The following IGSF22 variants were observed in gnomAD, a reference collection of about 807,000 sequenced individuals.
The protein encoded by IGSF22 is immunoglobulin superfamily, member 22.
IGSF22 carries 119 observed loss-of-function variants against 127.0 expected under a neutral mutation model. That is an observed-to-expected ratio of 0.94 (90% CI 0.81 to 1.09). The LOEUF is 1.09. Among genes scored for constraint, IGSF22 ranks in the 50% least tolerant of loss-of-function variants. The pLI is 0.00. For synonymous variants in IGSF22, 568 were observed against 664.7 expected, an observed-to-expected ratio of 0.85 and a Z score of 2.24; for missense variants, 1,518 against 1,716.6, an observed-to-expected ratio of 0.88 and a Z score of 2.04.
In IGSF22 at chr11:18,716,580, A is replaced by T; in HGVS notation, c.1246+148T>A. 1.3e-6 allele frequency: 1 copy of T among 746,130 alleles called. No homozygotes were observed. The highest frequency in any genetic ancestry group is 2.2e-6 in the Non-Finnish European group (1 of 454,622). The allele number at this position is 746,130 out of a possible 1,614,324, so 46.2% of individuals were successfully genotyped here. A position where few individuals can be genotyped will look rare whatever the true frequency, so the allele number is the denominator to read the frequency against. On this transcript the variant is annotated intron_variant, in intron 10 of 22. Transcript: ENST00000513874. The surrounding 1 kb of genome is among the most constrained non-coding windows in gnomAD (Gnocchi z 4.5). Reference sequence around the variant, plus strand: ...CCCCTACTAGACTAGGGGTTAACAGAGAGGAGATCCCCCTGTCTTTCCAGT... The same window carrying T: ...CCCCTACTAGACTAGGGGTTAACAGTGAGGAGATCCCCCTGTCTTTCCAGT...
rs562339587 is a variant in IGSF22 at position 18,705,834 on chromosome 11, C to G, written c.3893G>C (p.Cys1298Ser). 6.5e-6 allele frequency: 10 copies of G among 1,547,420 alleles called. No homozygotes were observed. Among genetic ancestry groups the G allele is most frequent in the African/African-American group, 1.4e-5 (1 of 73,022 alleles). ...ENELGKDRSS[C>S]TLTVYDKDDK... ...GCCCTCACCATAGACGGTGAGCGTGCAGCTGCTGCGGTCCTTGCCCAGCTC... is the reference window on the plus strand; with the variant it reads ...GCCCTCACCATAGACGGTGAGCGTGGAGCTGCTGCGGTCCTTGCCCAGCTC... Residue 1298 changes from cysteine to serine, a missense_variant, in exon 22 of 23, where the codon TGC (cysteine) becomes TCC (serine). Cys to Ser is a moderately radical substitution (Grantham distance 112). Transcript: ENST00000513874.
Position 18,707,872 on chromosome 11 carries a change from C to T in IGSF22, c.3212G>A (p.Gly1071Glu), listed in dbSNP as rs1590435774. The change falls in exon 20 of 23, where the codon GGG becomes GAG. Residue 1071 changes from glycine to glutamate, a missense_variant. By Grantham distance (98) the Gly-to-Glu change is moderately conservative. Transcript: ENST00000513874. ...LINSTKRSDS[G>E]VYRILLQNEF... ...ATTCTGAAGCAAGATTCGGTACACCCCTGAGTCAGAGCGCTTGGTGCTATT... is the reference window on the plus strand; with the variant it reads ...ATTCTGAAGCAAGATTCGGTACACCTCTGAGTCAGAGCGCTTGGTGCTATT... The T allele has an allele frequency of 4.3e-6, 7 of 1,614,106 alleles. No individual in the cohort carries two copies. The highest frequency in any genetic ancestry group is 1.3e-5 in the African/African-American group (1 of 75,028).
At chr11:18,717,546 C>A (rs923781936) in intron 9 of IGSF22, among the ~76,000 whole-genome samples, 2 of 152,052 alleles carry the variant, frequency 1.3e-5, no homozygotes, top group Non-Finnish European at 1.5e-5. Flanking sequence ...CAGGTGTGTG[C>A]CACCATACCT....
At chr11:18,719,976 G>C in intron 6 of IGSF22, 83 bp from the exon 7 acceptor site, 1 of 1,610,188 alleles carries the variant, frequency 6.2e-7, no homozygotes, top group Non-Finnish European at 8.5e-7. Context: ...TGGATTCTTG[G>C]AACTCAGGGC....
Position 18,716,715 on chromosome 11 carries a change from C to T in IGSF22, c.1246+13G>A. On this transcript the variant is annotated intron_variant, in intron 10 of 22. Transcript: ENST00000513874. This position sits in a 1 kb window ranked among gnomAD's most constrained non-coding sequence, Gnocchi z 4.5. ...ATAAAGCCCACCCCTTAGGCTCTTG[C>T]CCAACCACTCACGGTCAACAGTGAG... is the stretch of plus-strand genomic sequence containing the variant. 6 of 1,611,186 alleles carry T rather than the reference C, an allele frequency of 3.7e-6. No individual in the cohort carries two copies. The highest frequency in any genetic ancestry group is 4.2e-6 in the Non-Finnish European group (5 of 1,177,516).
chr11:18,704,834 C>G, intron 22 of IGSF22: 1 of 355,494 alleles, frequency 2.8e-6, no homozygotes. Flanking sequence ...GTGGCAGAGC[C>G]AGGGCCCTGG....
At chr11:18,710,181 G>A in intron 17 of IGSF22, 146 bp downstream of exon 17, 3 of 1,059,440 alleles carry the variant, frequency 2.8e-6, no homozygotes, top group Non-Finnish European at 4.1e-6. Flanking sequence ...TCTTGTGTGT[G>A]AATCTTGTCC....
intron 4 of IGSF22, among the ~76,000 whole-genome samples, chr11:18,721,054 A>G (rs1163154906): frequency 6.6e-6 from 1 of 152,152 alleles, no homozygotes; most frequent in African/African-American, 2.4e-5. Flanking sequence ...TCAGAAAGTG[A>G]TCCAGAAGCT....
At position 18,710,742 on chromosome 11, in the gene IGSF22, C is replaced by G. The variant is rs550168843; in HGVS notation, c.2485G>C (p.Gly829Arg). The stretch of plus-strand genomic sequence containing the variant: ...ATGTAGCCGAGCACTGGGGCTCCCC[C>G]ATCCTGGGTAGGGGCATTCCACGTG... ...TITWNAPTQD[G>R]GAPVLGYIVE... is the part of the protein sequence containing the mutation. Residue 829 changes from glycine (G) to arginine (R), a missense_variant, in exon 16 of 23, where the codon GGG becomes CGG. Physicochemically the swap from Gly to Arg is moderately radical, Grantham distance 125 (BLOSUM62 -2). This residue lies in a region of IGSF22 where 1,456 missense variants were observed against 1,644.9 expected (regional missense o/e 0.89). Transcript: ENST00000513874. 11 of 1,614,204 alleles carry G rather than the reference C, an allele frequency of 6.8e-6. No individual in the cohort carries two copies. The African/African-American group carries it at 1.1e-4, about 16-fold the overall frequency.
intron 1 of IGSF22, among the ~76,000 whole-genome samples, chr11:18,724,471 T>A (rs1848621239): frequency 6.6e-6 from 1 of 152,200 alleles, no homozygotes; most frequent in South Asian, 2.1e-4. Flanking sequence ...TCTCACTGAG[T>A]AACTCCAAAC....
intron 11 of IGSF22, among the ~76,000 whole-genome samples, chr11:18,715,128 G>A (rs1164646800): frequency 2.6e-5 from 4 of 152,054 alleles, no homozygotes; most frequent in South Asian, 2.1e-4. Context: ...GGATCAAGAC[G>A]TCTGGGATAT....
intron 4 of IGSF22, 57 bp from the exon 5 acceptor site, chr11:18,720,342 C>T: frequency 7.1e-7 from 1 of 1,399,938 alleles, no homozygotes. Context: ...GGGAGACTTT[C>T]TGTCAGATAA....
chr11:18,710,404 C>A lies in IGSF22; in HGVS notation c.2624G>T (p.Arg875Leu), dbSNP rs144833584. ...GCCTGCCTTATTTACAGCTATAACT[C>A]GGAATTCATATTCTGTGTCCTCCAG... ...GLLEDTEYEF[R>L]VIAVNKAGPG... is the part of the protein sequence containing the mutation. Residue 875 changes from arginine to leucine, a missense_variant, in exon 17 of 23, where the codon CGA (arginine) becomes CTA (leucine). By Grantham distance (102) the Arg-to-Leu change is moderately radical. Coordinates refer to ENST00000513874, the MANE Select transcript of IGSF22 (RefSeq NM_173588.4). The A allele has an allele frequency of 2.5e-6, 4 of 1,614,182 alleles. No individual in the cohort carries two copies. The highest frequency in any genetic ancestry group is 3.3e-5 in the Admixed American group (2 of 60,022).
At chr11:18,721,754 C>T (rs891034506) in intron 3 of IGSF22, 83 bp from the exon 4 acceptor site, 4 of 1,598,634 alleles carry the variant, frequency 2.5e-6, no homozygotes, top group Non-Finnish European at 3.4e-6. Context: ...TCTGCCTCCT[C>T]CCAGACACCT....
chr11:18,724,220 C>T lies in IGSF22; in HGVS notation c.17G>A (p.Ser6Asn). The T allele has an allele frequency of 6.2e-7, 1 of 1,613,782 alleles. No homozygotes were observed. The highest frequency in any genetic ancestry group is 1.1e-5 in the South Asian group (1 of 91,006). The change falls in exon 2 of 23, where the codon AGC becomes AAC. Residue 6 changes from serine (S) to asparagine (N), a missense_variant. By Grantham distance (46) the Ser-to-Asn change is conservative. This residue lies in a region of IGSF22 where 1,456 missense variants were observed against 1,644.9 expected (regional missense o/e 0.89). Transcript: ENST00000513874. The stretch of plus-strand genomic sequence containing the variant: ...CACGTGCTCCTGCAGCATCTGCCGG[C>T]TGTGAATGGTTGTCATGGTGACAGC... Reference protein sequence around the residue: MTTIHSRQMLQEHVSM... With the variant: MTTIHNRQMLQEHVSM...
intron 11 of IGSF22, 39 bp from the exon 12 acceptor site, chr11:18,714,663 T>C: frequency 6.2e-7 from 1 of 1,609,564 alleles, no homozygotes; most frequent in Non-Finnish European, 8.5e-7. Flanking sequence ...CTCAGGATGT[T>C]GGGGTGGGAG....
At position 18,704,346 on chromosome 11, in the gene IGSF22, C is replaced by T. The variant is rs1194075076; in HGVS notation, c.*122G>A. ...TTACGTTTATTGCCCCATCCCTTCA[C>T]TGAATGTTTACATTAACAAACACCA... On this transcript the variant is annotated 3_prime_UTR_variant, in exon 23 of 23. Coordinates refer to ENST00000513874, the MANE Select transcript of IGSF22 (RefSeq NM_173588.4). 1 of 697,516 alleles carries T rather than the reference C, an allele frequency of 1.4e-6. No homozygotes were observed. Among genetic ancestry groups the T allele is most frequent in the African/African-American group, 1.8e-5 (1 of 55,590 alleles). 43.2% of individuals were successfully genotyped at this position (697,516 alleles called of 1,614,324 possible).
At position 18,721,564 on chromosome 11, in the gene IGSF22, C is replaced by T. The variant is rs759484798; in HGVS notation, c.349G>A (p.Asp117Asn). Residue 117 changes from aspartate to asparagine, a missense_variant, in exon 4 of 23, where the codon GAC (aspartate) becomes AAC (asparagine). Transcript: ENST00000513874. ...PIKESAKIFY[D>N]SINKEHVLKL... ...AGCACGTGTTCCTTGTTAATGCTGT[C>T]GTAGAATATCTTGGCGGACTCCTTG... 7.4e-6 allele frequency: 12 copies of T among 1,614,130 alleles called. No individual in the cohort carries two copies. The highest frequency in any genetic ancestry group is 1.3e-5 in the African/African-American group (1 of 74,956).
At chr11:18,710,572 T>G (rs4237727) in intron 16 of IGSF22, 83 bp downstream of exon 16, 1,580,735 of 1,582,198 alleles carry the variant, frequency 1, 789,645 homozygotes, top group Non-Finnish European at 1. Context: ...AAGAGTTGGA[T>G]GAGGGACTGT....
Sources: allele counts gnomAD v4.1 joint callset (sites outside exome capture counted in the v4.1 genomes callset), GRCh38; gene constraint gnomAD v4.1.1; regional missense constraint gnomAD v4.1.1; non-coding constraint Gnocchi (gnomAD v3.1); transcripts MANE v1.5; gene names NCBI Gene and HGNC (gene_info 2026-07-23, HGNC 2026-07-21).